CLASP2: variants seen among roughly 807,000 people sequenced by gnomAD.
CLASP2 encodes CLIP-associating protein 2.
In CLASP2, 47 loss-of-function variants were observed where a neutral mutation model predicts 194.4. The observed-to-expected ratio is 0.24, with a 90% CI of 0.19 to 0.31. The LOEUF is 0.31. Among genes scored for constraint, CLASP2 ranks in the 10% least tolerant of loss-of-function variants. The probability of loss-of-function intolerance (pLI) is 1.00; values close to 1 mark genes in which losing one functional copy is unlikely to be tolerated. For missense variants in CLASP2, 1,445 were observed against 1,823.6 expected (o/e 0.79, Z 3.78); for synonymous variants, 619 against 633.5 (o/e 0.98, Z 0.34).
At chr3:33,505,863 A>T (rs1286373868) in intron 37 of CLASP2, among the ~76,000 whole-genome samples, 2 of 152,018 alleles carry the variant, frequency 1.3e-5, no homozygotes, top group Admixed American at 1.3e-4. Context: ...AGACCAGCCT[A>T]AGCAACATAA....
chr3:33,659,022 G>A, intron 7 of CLASP2: 1 of 1,535,758 alleles, frequency 6.5e-7, no homozygotes, highest in South Asian at 1.2e-5. Flanking sequence ...GAAACCAAGA[G>A]GTCAAATAGC....
At chr3:33,629,674 AT>A (rs1310916976) in intron 9 of CLASP2, among the ~76,000 whole-genome samples, 1 of 152,188 alleles carries the variant, frequency 6.6e-6, no homozygotes, top group Non-Finnish European at 1.5e-5. Flanking sequence ...GAGCCCTAAC[AT>A]GTGACTTTCT....
intron 2 of CLASP2, among the ~76,000 whole-genome samples, chr3:33,691,355 A>G (rs774601304): frequency 1.3e-5 from 2 of 152,248 alleles, no homozygotes; most frequent in African/African-American, 2.4e-5. Context: ...ATTTGAAGCC[A>G]ATCTATTATC....
At chr3:33,542,428 CAA>C (rs934137656) in intron 32 of CLASP2, among the ~76,000 whole-genome samples, 3 of 146,280 alleles carry the variant, frequency 2.1e-5, no homozygotes, top group Non-Finnish European at 4.5e-5. Flanking sequence ...AGCTTACAGA[CAA>C]AACATAAAAA....
chr3:33,700,197 C>T (rs1020910337), intron 1 of CLASP2, among the ~76,000 whole-genome samples: 3 of 151,684 alleles, frequency 2.0e-5, no homozygotes, highest in Non-Finnish European at 4.4e-5. Flanking sequence ...CTTTGGAAGG[C>T]AGGAAGATCA....
chr3:33,600,953 C>CTTTTT (rs1205156622), intron 18 of CLASP2, among the ~76,000 whole-genome samples: 60 of 105,756 alleles, frequency 5.7e-4, no homozygotes, highest in Non-Finnish European at 7.7e-4. Context: ...CTTGATAAGG[C>CTTTTT]TTTTTTTTTT....
intron 1 of CLASP2, among the ~76,000 whole-genome samples, chr3:33,712,775 C>T (rs2093078845): frequency 6.6e-6 from 1 of 151,898 alleles, no homozygotes; most frequent in East Asian, 1.9e-4. Flanking sequence ...CCAGCCTGGC[C>T]AACATGACGA....
intron 23 of CLASP2, among the ~76,000 whole-genome samples, chr3:33,581,341 TA>T (rs1576728933): frequency 2.0e-5 from 3 of 152,222 alleles, no homozygotes; most frequent in Non-Finnish European, 4.4e-5. Context: ...TAAAATATTA[TA>T]AAAATGTTAA....
intron 1 of CLASP2, among the ~76,000 whole-genome samples, chr3:33,712,316 G>C (rs916213462): frequency 1.3e-5 from 2 of 152,114 alleles, no homozygotes; most frequent in African/African-American, 4.8e-5. Flanking sequence ...AGGAATCAAA[G>C]GCATAAGAAT....
intron 6 of CLASP2, among the ~76,000 whole-genome samples, chr3:33,666,802 G>A (rs2086250905): frequency 6.6e-6 from 1 of 152,148 alleles, no homozygotes; most frequent in African/African-American, 2.4e-5. Flanking sequence ...CAAAGTTGCT[G>A]CACCATTTTA....
At chr3:33,631,507 C>T (rs2154292954) in intron 9 of CLASP2, among the ~76,000 whole-genome samples, 1 of 152,158 alleles carries the variant, frequency 6.6e-6, no homozygotes, top group Admixed American at 6.5e-5. Context: ...ACCAGCCTGA[C>T]CAACATAGTG....
chr3:33,665,183 T>C (rs1408993133), intron 6 of CLASP2, among the ~76,000 whole-genome samples: 4 of 151,522 alleles, frequency 2.6e-5, no homozygotes, highest in East Asian at 3.9e-4. Flanking sequence ...TGAAGGGGCA[T>C]AACATTTGGC....
At chr3:33,706,718 T>C (rs2092702234) in intron 1 of CLASP2, among the ~76,000 whole-genome samples, 1 of 152,038 alleles carries the variant, frequency 6.6e-6, no homozygotes, top group Non-Finnish European at 1.5e-5. Context: ...TCCCAGCACT[T>C]TGAGATGCCA....
At chr3:33,684,571 C>A in intron 5 of CLASP2, 115 bp from the exon 6 acceptor site, 5 of 554,198 alleles carry the variant, frequency 9.0e-6, no homozygotes, top group Non-Finnish European at 1.2e-5. Context: ...GATTTTAATG[C>A]CCCTGCATAT....
At chr3:33,673,669 C>T (rs2087867818) in intron 6 of CLASP2, among the ~76,000 whole-genome samples, 1 of 152,154 alleles carries the variant, frequency 6.6e-6, no homozygotes, top group African/African-American at 2.4e-5. Context: ...AGACTCAAGA[C>T]CCATCAGTGT....
At chr3:33,554,214 C>T (rs977629042) in intron 29 of CLASP2, among the ~76,000 whole-genome samples, 8 of 125,748 alleles carry the variant, frequency 6.4e-5, no homozygotes, top group African/African-American at 2.1e-4. Flanking sequence ...GCAACAGGAG[C>T]GAAACTGTCT....
intron 34 of CLASP2, among the ~76,000 whole-genome samples, chr3:33,527,070 AGAAG>A (rs1248954845): frequency 6.6e-6 from 1 of 152,212 alleles, no homozygotes; most frequent in Non-Finnish European, 1.5e-5. Flanking sequence ...AAAGAATTAG[AGAAG>A]GAAGAACAAA....
intron 1 of CLASP2, among the ~76,000 whole-genome samples, chr3:33,713,883 T>C (rs2093160127): frequency 6.6e-6 from 1 of 152,208 alleles, no homozygotes; most frequent in Admixed American, 6.5e-5. Context: ...ATGTAAATGT[T>C]ACTAATCCTC....
At chr3:33,576,846 C>T (rs538285382) in intron 23 of CLASP2, among the ~76,000 whole-genome samples, 1 of 152,100 alleles carries the variant, frequency 6.6e-6, no homozygotes, top group African/African-American at 2.4e-5. Flanking sequence ...TGAATTCTCC[C>T]CCTCAACTGC....
Sources: allele counts gnomAD v4.1 joint callset (sites outside exome capture counted in the v4.1 genomes callset), GRCh38; gene constraint gnomAD v4.1.1; transcripts MANE v1.5; gene names NCBI Gene and HGNC (gene_info 2026-07-23, HGNC 2026-07-21).